Variants in SNX29 observed in about 807,000 individuals in gnomAD.
SNX29 encodes sorting nexin 29.
SNX29 carries 78 observed loss-of-function variants against 102.1 expected under a neutral mutation model. The observed-to-expected ratio is 0.76, with a 90% CI of 0.64 to 0.92. The LOEUF is 0.92. Ranked by LOEUF, SNX29 falls within the 40% of genes least tolerant of loss-of-function variation. SNX29 has a pLI of 0.00. For synonymous variants in SNX29, 580 were observed against 414.5 expected (o/e 1.40, Z -4.85); for missense variants, 1,280 against 1,061.7 (o/e 1.21, Z -2.86).
At chr16:12,355,691 C>A (rs187525470) in intron 15 of SNX29, among the ~76,000 whole-genome samples, 1 of 151,930 alleles carries the variant, frequency 6.6e-6, no homozygotes, top group South Asian at 2.1e-4. Flanking sequence ...CTGAGAATAT[C>A]GAATAATTCA....
chr16:12,164,506 C>T (rs17674683), intron 13 of SNX29, among the ~76,000 whole-genome samples: 5,038 of 152,154 alleles, frequency 0.033, 129 homozygotes, highest in Non-Finnish European at 0.046. Context: ...AGATTGAGTA[C>T]TGTTTACAAG....
At chr16:12,562,682 C>T (rs892344275) in intron 20 of SNX29, among the ~76,000 whole-genome samples, 1 of 152,184 alleles carries the variant, frequency 6.6e-6, no homozygotes, top group Non-Finnish European at 1.5e-5. Flanking sequence ...TTTACAGGCA[C>T]TGCCTTCTTT....
intron 15 of SNX29, among the ~76,000 whole-genome samples, chr16:12,317,473 A>T (rs533913096): frequency 2.0e-5 from 3 of 152,192 alleles, no homozygotes; most frequent in Non-Finnish European, 4.4e-5. Flanking sequence ...TCCTAGGGTG[A>T]CTTGAGAACC....
intron 10 of SNX29, among the ~76,000 whole-genome samples, chr16:12,075,588 C>T (rs150712278): frequency 2.3e-4 from 35 of 152,306 alleles, no homozygotes; most frequent in African/African-American, 7.2e-4. Context: ...GGGATGCCTC[C>T]GAGTTAGGCT....
chr16:12,555,039 G>A (rs553250653), intron 20 of SNX29, among the ~76,000 whole-genome samples: 201 of 151,860 alleles, frequency 1.3e-3, no homozygotes, highest in South Asian at 1.7e-3. Flanking sequence ...TGGTGCCACC[G>A]AGCAGCCTCA....
intron 18 of SNX29, among the ~76,000 whole-genome samples, chr16:12,470,205 G>A (rs1326793719): frequency 6.6e-6 from 1 of 152,174 alleles, no homozygotes; most frequent in Non-Finnish European, 1.5e-5. Flanking sequence ...TGAGATGCAG[G>A]ACTTTGGATC....
chr16:12,101,543 C>G (rs2053021361), intron 11 of SNX29, among the ~76,000 whole-genome samples: 1 of 151,924 alleles, frequency 6.6e-6, no homozygotes, highest in African/African-American at 2.4e-5. Context: ...ACCACCATGC[C>G]TGGCCAATTT....
chr16:12,557,762 A>G (rs530423440), intron 20 of SNX29: 1 of 152,218 alleles, frequency 6.6e-6, no homozygotes, highest in Non-Finnish European at 1.5e-5. Context: ...TCACTAAGCA[A>G]CAGATATTTT....
chr16:12,227,782 C>T (rs978469565), intron 14 of SNX29, among the ~76,000 whole-genome samples: 2 of 151,608 alleles, frequency 1.3e-5, no homozygotes, highest in Non-Finnish European at 2.9e-5. Flanking sequence ...TGCTTGTAAT[C>T]CCAGCTACTC....
intron 18 of SNX29, among the ~76,000 whole-genome samples, chr16:12,463,304 C>T (rs557954145): frequency 4.7e-4 from 72 of 152,270 alleles, no homozygotes; most frequent in African/African-American, 1.6e-3. Context: ...CTGTATTAGT[C>T]GGTTTTCATG....
At chr16:12,003,132 T>G in intron 3 of SNX29, 89 bp downstream of exon 3, 1 of 1,546,850 alleles carries the variant, frequency 6.5e-7, no homozygotes, top group Non-Finnish European at 8.9e-7. Context: ...ACCATCGAGG[T>G]TGGAAAGGCG....
At chr16:12,418,627 G>A (rs2084744450) in intron 18 of SNX29, among the ~76,000 whole-genome samples, 1 of 152,050 alleles carries the variant, frequency 6.6e-6, no homozygotes, top group South Asian at 2.1e-4. Context: ...TGATTCTCCT[G>A]CCTCAGCCTT....
chr16:12,447,165 C>CAAAAAAAAAAAAAAAAAAAAAAAA (rs59942122), intron 18 of SNX29, among the ~76,000 whole-genome samples: 1 of 43,916 alleles, frequency 2.3e-5, no homozygotes, highest in Non-Finnish European at 3.8e-5. Flanking sequence ...GACTCTGTCT[C>CAAAAAAAAAAAAAAAAAAAAAAAA]AAAAAAAAAA....
At chr16:12,001,462 G>T (rs2056285297) in intron 2 of SNX29, among the ~76,000 whole-genome samples, 1 of 152,102 alleles carries the variant, frequency 6.6e-6, no homozygotes, top group South Asian at 2.1e-4. Flanking sequence ...GACGGTTAAA[G>T]TGTTGCATAT....
chr16:12,372,953 G>A (rs1247702215), intron 16 of SNX29: 1 of 152,174 alleles, frequency 6.6e-6, no homozygotes, highest in African/African-American at 2.4e-5. Context: ...TCCATGAGCT[G>A]TGCATGTAGT....
At chr16:12,340,163 A>G (rs2081570519) in intron 15 of SNX29, among the ~76,000 whole-genome samples, 1 of 152,216 alleles carries the variant, frequency 6.6e-6, no homozygotes. Flanking sequence ...TGTTTTCATC[A>G]TCGTCATCTT....
rs2079151729 is a variant in SNX29, at chr16:12,569,967, T to G, written c.*1338T>G. 1 of 238,410 alleles carries G rather than the reference T, an allele frequency of 4.2e-6. No homozygotes were observed. 14.8% of individuals were successfully genotyped at this position (238,410 alleles called of 1,614,324 possible). A position where few individuals can be genotyped will look rare whatever the true frequency, so the allele number is the denominator to read the frequency against. On this transcript the variant is annotated 3_prime_UTR_variant, in exon 21 of 21. Coordinates refer to ENST00000566228, the MANE Select transcript of SNX29 (RefSeq NM_032167.5). ...AAGGTGACGGTTAGATGGTAAGCCA[T>G]GGGCTTGTCCTGGAACTGCTTCAAC...
chr16:12,521,444 A>G (rs1430055426), intron 19 of SNX29, among the ~76,000 whole-genome samples: 1 of 151,968 alleles, frequency 6.6e-6, no homozygotes, highest in Non-Finnish European at 1.5e-5. Context: ...GGAATTCTCT[A>G]ACCTTCATTT....
intron 13 of SNX29, among the ~76,000 whole-genome samples, chr16:12,160,473 A>G (rs1336703432): frequency 6.6e-6 from 1 of 152,220 alleles, no homozygotes; most frequent in Non-Finnish European, 1.5e-5. Flanking sequence ...TGGTGTTATT[A>G]TATCATTCCA....
Sources: gnomAD v4.1 joint callset for allele counts (sites outside exome capture counted in the v4.1 genomes callset) on GRCh38, gnomAD v4.1.1 for gene constraint, MANE v1.5 for transcripts, NCBI Gene and HGNC (gene_info 2026-07-23, HGNC 2026-07-21) for gene names.